CERS3: variants seen among roughly 807,000 people sequenced by gnomAD.
CERS3 encodes the protein LAG1 homolog, ceramide synthase 3.
A neutral mutation model predicts 50.3 loss-of-function variants in CERS3; 33 were observed. The observed-to-expected ratio is 0.66, with a 90% CI of 0.50 to 0.88. The LOEUF is 0.88. Among genes scored for constraint, CERS3 ranks in the 40% least tolerant of loss-of-function variants. CERS3 has a pLI of 0.00. For missense variants in CERS3, 470 were observed against 460.3 expected (o/e 1.02, Z -0.19); for synonymous variants, 176 against 155.2 (o/e 1.13, Z -0.99).
At chr15:100,521,471 T>C (rs1044300389) in intron 2 of CERS3, among the ~76,000 whole-genome samples, 196 bp downstream of exon 2, 4 of 152,160 alleles carry the variant, frequency 2.6e-5, no homozygotes, top group African/African-American at 7.2e-5. Context: ...GCATCTCCGC[T>C]TTCAAAAGGA....
intron 11 of CERS3, among the ~76,000 whole-genome samples, chr15:100,427,842 G>C (rs571207348): frequency 2.6e-5 from 4 of 152,338 alleles, no homozygotes; most frequent in South Asian, 2.1e-4. Flanking sequence ...CCTGCCGAGA[G>C]ACAGGTGAAG....
At chr15:100,458,302 G>C (rs1351472880) in intron 10 of CERS3, among the ~76,000 whole-genome samples, 2 of 152,082 alleles carry the variant, frequency 1.3e-5, no homozygotes, top group African/African-American at 2.4e-5. Flanking sequence ...TGAAAAACAG[G>C]GGCCAGGTGC....
chr15:100,444,158 C>T (rs536612708), intron 11 of CERS3, among the ~76,000 whole-genome samples: 1 of 152,316 alleles, frequency 6.6e-6, no homozygotes, highest in African/African-American at 2.4e-5. Context: ...GCAGTGGCTG[C>T]TGCTGCCTTA....
At chr15:100,488,961 G>C (rs1217838065) in intron 4 of CERS3, among the ~76,000 whole-genome samples, 2 of 152,014 alleles carry the variant, frequency 1.3e-5, no homozygotes, top group African/African-American at 2.4e-5. Flanking sequence ...ATTTTTAGTA[G>C]AGACAGGGTT....
At chr15:100,461,743 A>G (rs1263231106) in intron 10 of CERS3, among the ~76,000 whole-genome samples, 1 of 152,130 alleles carries the variant, frequency 6.6e-6, no homozygotes. Context: ...GAAGAGGAGG[A>G]GTCCACTTTG....
chr15:100,487,629 G>A (rs138134887), intron 4 of CERS3, among the ~76,000 whole-genome samples: 314 of 152,292 alleles, frequency 2.1e-3, no homozygotes, highest in African/African-American at 7.2e-3. Flanking sequence ...AGGAGAGGTC[G>A]AATGGCCTAA....
chr15:100,516,091 AC>A (rs1187422739), intron 2 of CERS3, among the ~76,000 whole-genome samples: 5 of 152,184 alleles, frequency 3.3e-5, no homozygotes, highest in African/African-American at 1.2e-4. Flanking sequence ...CATTTGAGAG[AC>A]TAAAGGATTG....
chr15:100,455,120 A>G (rs2034318075), intron 11 of CERS3, among the ~76,000 whole-genome samples: 1 of 152,170 alleles, frequency 6.6e-6, no homozygotes, highest in South Asian at 2.1e-4. Flanking sequence ...AAGAAGAGGG[A>G]ACTCTTATAC....
intron 11 of CERS3, among the ~76,000 whole-genome samples, chr15:100,423,032 C>T (rs1191904650): frequency 6.8e-6 from 1 of 147,762 alleles, no homozygotes; most frequent in Admixed American, 6.8e-5. Flanking sequence ...CACATGTATA[C>T]ATATGTAACT....
intron 10 of CERS3, among the ~76,000 whole-genome samples, chr15:100,464,643 T>G (rs1306656471): frequency 6.6e-6 from 1 of 152,208 alleles, no homozygotes; most frequent in East Asian, 1.9e-4. Context: ...TAACTCTCTG[T>G]GAGTATTTGG....
intron 5 of CERS3, among the ~76,000 whole-genome samples, chr15:100,483,453 T>C (rs1226913137): frequency 6.6e-6 from 1 of 152,176 alleles, no homozygotes. Flanking sequence ...GCCTGACTGA[T>C]TGATAAGGGT....
intron 11 of CERS3, among the ~76,000 whole-genome samples, chr15:100,447,525 T>C (rs935898994): frequency 5.9e-5 from 9 of 152,200 alleles, no homozygotes; most frequent in Non-Finnish European, 8.8e-5. Flanking sequence ...CCACTGGTCA[T>C]TCGTATTTGG....
intron 11 of CERS3, among the ~76,000 whole-genome samples, chr15:100,454,243 A>G (rs1199108920): frequency 1.3e-5 from 2 of 152,136 alleles, no homozygotes; most frequent in African/African-American, 4.8e-5. Flanking sequence ...TTTAAAAATT[A>G]GTGAAGTGTG....
chr15:100,436,949 T>TC (rs898936688), intron 11 of CERS3, among the ~76,000 whole-genome samples: 1 of 150,250 alleles, frequency 6.7e-6, no homozygotes, highest in Non-Finnish European at 1.5e-5. Context: ...TGACTTTTTT[T>TC]TTTTTTTTTT....
intron 7 of CERS3, among the ~76,000 whole-genome samples, chr15:100,478,424 T>A (rs959546): frequency 0.76 from 115,230 of 151,964 alleles, 44,332 homozygotes; most frequent in Middle Eastern, 0.87. Flanking sequence ...GTAGACAGCA[T>A]GTAGTTTATG....
chr15:100,420,926 C>T (rs868772670), intron 11 of CERS3, among the ~76,000 whole-genome samples: 1,792 of 147,410 alleles, frequency 0.012, 36 homozygotes, highest in African/African-American at 0.042. Context: ...ATTGATGGGA[C>T]GTATTTCAAA....
intron 2 of CERS3, among the ~76,000 whole-genome samples, chr15:100,509,304 TA>T (rs972510988): frequency 1.3e-5 from 2 of 152,200 alleles, no homozygotes; most frequent in Admixed American, 6.5e-5. Flanking sequence ...TGTAAAGTAT[TA>T]AAAAATATGA....
intron 5 of CERS3, among the ~76,000 whole-genome samples, 164 bp downstream of exon 5, chr15:100,484,386 A>T (rs2035424153): frequency 6.6e-6 from 1 of 152,188 alleles, no homozygotes; most frequent in Non-Finnish European, 1.5e-5. Flanking sequence ...GGAGTGGAGG[A>T]AGCAGAGAAG....
chr15:100,533,488 T>C (rs2036991655), upstream of CERS3, among the ~76,000 whole-genome samples: 1 of 152,096 alleles, frequency 6.6e-6, no homozygotes, highest in Non-Finnish European at 1.5e-5. Flanking sequence ...GGTTCTTTTC[T>C]TTTCTTTTCT....
Sources: allele counts gnomAD v4.1 joint callset (sites outside exome capture counted in the v4.1 genomes callset), GRCh38; gene constraint gnomAD v4.1.1; transcripts MANE v1.5; gene names NCBI Gene and HGNC (gene_info 2026-07-23, HGNC 2026-07-21).